The following IL1RAPL1 variants were observed in gnomAD, a reference collection of about 807,000 sequenced individuals.
IL1RAPL1 encodes interleukin-1 receptor accessory protein-like 1.
IL1RAPL1 carries 3 observed loss-of-function variants against 48.4 expected under a neutral mutation model. The ratio of observed to expected loss-of-function variants is 0.06; its 90% CI spans 0.03 to 0.16. The LOEUF (loss-of-function observed/expected upper bound fraction) is 0.16, where lower values mean the gene tolerates loss of function less well. Ranked by LOEUF, IL1RAPL1 falls within the 10% of genes least tolerant of loss-of-function variation. IL1RAPL1 has a pLI of 1.00. For synonymous variants in IL1RAPL1, 185 were observed against 187.7 expected (o/e 0.99, Z 0.12); for missense variants, 349 against 530.6 (o/e 0.66, Z 3.36).
At chrX:28,673,879 G>C (rs1207174350) in intron 1 of IL1RAPL1, among the ~76,000 whole-genome samples, 2 of 111,722 alleles carry the variant, frequency 1.8e-5, no homozygotes, top group Non-Finnish European at 3.8e-5. Flanking sequence ...CCAGCAGTTT[G>C]GGATTGTGAA....
intron 2 of IL1RAPL1, among the ~76,000 whole-genome samples, chrX:29,089,335 C>A (rs1928027788): frequency 9.0e-6 from 1 of 110,961 alleles, no homozygotes; most frequent in African/African-American, 3.3e-5. Context: ...TTACTACCAT[C>A]AAGCTAATTA....
intron 2 of IL1RAPL1, among the ~76,000 whole-genome samples, chrX:28,819,052 A>T (rs1478528326): frequency 9.0e-6 from 1 of 111,032 alleles, no homozygotes; most frequent in Non-Finnish European, 1.9e-5. Flanking sequence ...CCATGGAAGC[A>T]TGCTACTATG....
intron 5 of IL1RAPL1, among the ~76,000 whole-genome samples, chrX:29,656,467 C>A (rs1259238741): frequency 9.0e-6 from 1 of 110,608 alleles, no homozygotes; most frequent in Non-Finnish European, 1.9e-5. Context: ...CATTCTTATG[C>A]ATTTGTGTCC....
At chrX:29,484,966 C>T (rs1225268661) in intron 5 of IL1RAPL1, among the ~76,000 whole-genome samples, 1 of 111,737 alleles carries the variant, frequency 8.9e-6, no homozygotes, top group African/African-American at 3.3e-5. Flanking sequence ...AAAATAAATG[C>T]CTGTACAATC....
At chrX:29,595,509 C>T (rs767426171) in intron 5 of IL1RAPL1, among the ~76,000 whole-genome samples, 4 of 111,753 alleles carry the variant, frequency 3.6e-5, no homozygotes, top group Non-Finnish European at 3.8e-5. Flanking sequence ...AGCATTTTTC[C>T]GTATGCTTGT....
chrX:29,085,154 A>G (rs1231392447), intron 2 of IL1RAPL1, among the ~76,000 whole-genome samples: 1 of 111,990 alleles, frequency 8.9e-6, no homozygotes, highest in Non-Finnish European at 1.9e-5. Flanking sequence ...ACATAATAAT[A>G]AAACTAACAA....
intron 2 of IL1RAPL1, among the ~76,000 whole-genome samples, chrX:29,117,537 G>A (rs1569240305): frequency 8.9e-6 from 1 of 112,192 alleles, no homozygotes; most frequent in East Asian, 2.8e-4. Context: ...GTTTTTAAAT[G>A]TACAGCAAGT....
At chrX:29,253,472 G>A (rs968759062) in intron 2 of IL1RAPL1, among the ~76,000 whole-genome samples, 2 of 111,286 alleles carry the variant, frequency 1.8e-5, no homozygotes, top group Non-Finnish European at 3.8e-5. Flanking sequence ...TAAGAGACCT[G>A]AATTAATTAA....
chrX:29,169,922 A>G (rs781369726), intron 2 of IL1RAPL1, among the ~76,000 whole-genome samples: 43 of 111,423 alleles, frequency 3.9e-4, no homozygotes, highest in African/African-American at 1.3e-3. Context: ...AAAATACACA[A>G]TAGAAATTAC....
intron 6 of IL1RAPL1, among the ~76,000 whole-genome samples, chrX:29,848,434 T>C (rs1216484660): frequency 1.1e-5 from 1 of 92,681 alleles, no homozygotes; most frequent in Non-Finnish European, 2.0e-5. Flanking sequence ...TTCCAAAATA[T>C]AGCAAAAAAA....
chrX:28,854,085 C>A (rs1385540186), intron 2 of IL1RAPL1, among the ~76,000 whole-genome samples: 2 of 111,559 alleles, frequency 1.8e-5, no homozygotes, highest in East Asian at 5.7e-4. Context: ...TATGGTCAGA[C>A]CAGAGTCAGA....
intron 1 of IL1RAPL1, among the ~76,000 whole-genome samples, chrX:28,722,909 A>G (rs1302738637): frequency 9.0e-6 from 1 of 111,334 alleles, no homozygotes. Flanking sequence ...TGATTTGCGT[A>G]TGTTGAACCA....
At chrX:28,785,387 A>T (rs1936464232) in intron 1 of IL1RAPL1, among the ~76,000 whole-genome samples, 1 of 111,956 alleles carries the variant, frequency 8.9e-6, no homozygotes, top group South Asian at 3.7e-4. Flanking sequence ...TGACCTCCCA[A>T]AATGTTAGGA....
At chrX:29,319,085 T>C (rs1932781468) in intron 3 of IL1RAPL1, among the ~76,000 whole-genome samples, 2 of 110,587 alleles carry the variant, frequency 1.8e-5, no homozygotes, top group Non-Finnish European at 3.8e-5. Context: ...ATTTTGTATA[T>C]ATTCCACATA....
intron 5 of IL1RAPL1, among the ~76,000 whole-genome samples, chrX:29,457,788 G>T (rs755259631): frequency 5.4e-5 from 6 of 112,058 alleles, no homozygotes; most frequent in Non-Finnish European, 1.1e-4. Flanking sequence ...TTCCACAGGG[G>T]CTGAACTATT....
intron 5 of IL1RAPL1, among the ~76,000 whole-genome samples, chrX:29,560,751 A>G (rs761616288): frequency 1.6e-4 from 18 of 110,658 alleles, no homozygotes; most frequent in African/African-American, 5.6e-4. Flanking sequence ...TTTTTTGTGA[A>G]TTGTTTTTCT....
At chrX:28,724,763 C>A (rs1340655184) in intron 1 of IL1RAPL1, among the ~76,000 whole-genome samples, 1 of 110,676 alleles carries the variant, frequency 9.0e-6, no homozygotes, top group Non-Finnish European at 1.9e-5. Context: ...TTAGTGCTTC[C>A]TTGAGGAGCT....
intron 2 of IL1RAPL1, among the ~76,000 whole-genome samples, chrX:29,055,868 A>G (rs774713682): frequency 1.8e-5 from 2 of 112,005 alleles, no homozygotes; most frequent in African/African-American, 6.5e-5. Flanking sequence ...ATTTAGATGC[A>G]TGTATATGAC....
At chrX:29,537,295 A>C in intron 5 of IL1RAPL1, among the ~76,000 whole-genome samples, 1 of 111,098 alleles carries the variant, frequency 9.0e-6, no homozygotes, top group Non-Finnish European at 1.9e-5. Context: ...TAAAGAGTAA[A>C]CCAAAAAAGA....
Sources: allele counts gnomAD v4.1 joint callset (sites outside exome capture counted in the v4.1 genomes callset), GRCh38; gene constraint gnomAD v4.1.1; transcripts MANE v1.5; gene names NCBI Gene and HGNC (gene_info 2026-07-23, HGNC 2026-07-21).